MPP1: variants seen among roughly 807,000 people sequenced by gnomAD.
MPP1 encodes the protein MAGUK p55 scaffold protein 1, also known as 55 kDa erythrocyte membrane protein.
Under a neutral mutation model 38.2 loss-of-function variants are expected in MPP1, and 6 were observed. That is an observed-to-expected ratio of 0.16 (90% CI 0.09 to 0.31). The LOEUF (loss-of-function observed/expected upper bound fraction) is 0.31. Ranked by LOEUF, MPP1 falls within the 10% of genes least tolerant of loss-of-function variation. MPP1 has a pLI of 1.00. For synonymous variants in MPP1, 153 were observed against 146.3 expected (o/e 1.05, Z -0.33); for missense variants, 293 against 368.9 (o/e 0.79, Z 1.69).
intron 5 of MPP1, among the ~76,000 whole-genome samples, chrX:154,786,921 A>AC (rs1557267257): frequency 9.3e-6 from 1 of 107,745 alleles, no homozygotes; most frequent in Non-Finnish European, 1.9e-5. Context: ...AAAAAAAAAA[A>AC]AGAAGGCATG....
At chrX:154,788,355 G>C (rs2072103181) in intron 5 of MPP1, among the ~76,000 whole-genome samples, 1 of 111,482 alleles carries the variant, frequency 9.0e-6, no homozygotes, top group African/African-American at 3.3e-5. Flanking sequence ...CCTTGAATTG[G>C]TATCTTACAA....
intron 1 of MPP1, chrX:154,799,646 A>G: frequency 1.1e-6 from 1 of 947,108 alleles, no homozygotes; most frequent in Non-Finnish European, 1.4e-6. Context: ...CCACAGAGCT[A>G]TGGCAGGCCT....
Position 154,781,338 on chromosome X carries a change from G to A in MPP1, c.1150-25C>T, listed in dbSNP as rs782437284. The A allele has an allele frequency of 1.4e-4, 140 of 1,001,494 alleles. 1 individual carries two copies. The Admixed American group carries it at 3.1e-3, about 22-fold the overall frequency. The allele number at this position is 1,001,494 out of a possible 1,213,427, so 82.5% of individuals were successfully genotyped here. ...TCTAGAAAAAAAAAAGAAGGGCGGCGGGGAGGGGGGGGAAGGAAGAAAAGG... is the reference window on the plus strand; with the variant it reads ...TCTAGAAAAAAAAAAGAAGGGCGGCAGGGAGGGGGGGGAAGGAAGAAAAGG... On this transcript the variant is annotated intron_variant, in intron 10 of 11. Coordinates refer to ENST00000369534, the MANE Select transcript of MPP1 (RefSeq NM_002436.4).
chrX:154,781,910 C>T (rs2072011177), intron 9 of MPP1, 108 bp from the exon 10 acceptor site: 1 of 756,564 alleles, frequency 1.3e-6, no homozygotes, highest in Non-Finnish European at 1.9e-6. Context: ...GGTGCATTGA[C>T]TTTAATACAG....
At chrX:154,783,388 C>A in intron 9 of MPP1, 39 bp downstream of exon 9, 1 of 1,019,953 alleles carries the variant, frequency 9.8e-7, no homozygotes, top group Non-Finnish European at 1.4e-6. Flanking sequence ...GTGGTACCAG[C>A]CTGTCACCTC....
chrX:154,781,497 G>T (rs1018655078), intron 10 of MPP1, 103 bp downstream of exon 10: 7 of 953,793 alleles, frequency 7.3e-6, no homozygotes, highest in Non-Finnish European at 8.9e-6. Context: ...CCATTAAAAG[G>T]CTGAAGCAAT....
intron 1 of MPP1, among the ~76,000 whole-genome samples, chrX:154,798,228 CCAAA>C: frequency 8.9e-6 from 1 of 112,000 alleles, no homozygotes; most frequent in East Asian, 2.8e-4. Flanking sequence ...TATTAAAAAA[CCAAA>C]CACACAACTA....
intron 1 of MPP1, among the ~76,000 whole-genome samples, chrX:154,801,922 C>CA (rs781790769): frequency 5.1e-4 from 57 of 110,817 alleles, no homozygotes; most frequent in Admixed American, 1.6e-3. Context: ...TTTCTAGTAT[C>CA]AGTTCTGTGA....
At chrX:154,784,205 A>C in intron 7 of MPP1, 97 bp from the exon 8 acceptor site, 1 of 658,853 alleles carries the variant, frequency 1.5e-6, no homozygotes, top group Non-Finnish European at 2.4e-6. Context: ...ACATCTCAAC[A>C]AGCAGGGAGG....
chrX:154,798,658 GGA>G (rs1432129875), intron 1 of MPP1, among the ~76,000 whole-genome samples: 1 of 112,320 alleles, frequency 8.9e-6, no homozygotes, highest in African/African-American at 3.2e-5. Context: ...AGCGACAGCA[GGA>G]GAGAGGCCTT....
In MPP1 at chrX:154,801,776, A is replaced by AAAC. The variant is rs2072266575; in HGVS notation, c.102+3495_102+3496insGTT. Among the ~76,000 whole-genome samples, 3 of 87,662 alleles carry AAAC rather than the reference A, an allele frequency of 3.4e-5. No individual in the cohort carries two copies. In the East Asian group the frequency reaches 9.9e-4, roughly 29 times the overall value. 76.1% of individuals were successfully genotyped at this position (87,662 alleles called of 115,157 possible). On this transcript the variant is annotated intron_variant, in intron 1 of 11. Transcript: ENST00000369534. ...TCTGTCTCAAAAAAAAAAAAAAAAA[A>AAAC]AAAAAAAAAACAAAAAACAGAAAAA...
chrX:154,791,408 T>C (rs1482959360), intron 3 of MPP1, among the ~76,000 whole-genome samples: 1 of 112,322 alleles, frequency 8.9e-6, no homozygotes, highest in African/African-American at 3.2e-5. Context: ...AAGCTCCATG[T>C]TTCTTTGTTG....
chrX:154,794,190 T>C (rs377226021), intron 1 of MPP1, among the ~76,000 whole-genome samples: 44 of 111,472 alleles, frequency 3.9e-4, no homozygotes, highest in African/African-American at 1.3e-3. Context: ...GTAGAATGGA[T>C]AAACTGAAGC....
Position 154,786,260 on chromosome X carries a change from C to T in MPP1, c.621G>A (p.Val207=). The T allele has an allele frequency of 2.5e-6, 3 of 1,211,801 alleles. No individual in the cohort carries two copies. Among genetic ancestry groups the T allele is most frequent in the East Asian group, 3.0e-5 (1 of 33,852 alleles). Reference sequence around the variant, plus strand: ...CTGCTGACTCCTTGGAGGAGCCTTCCACCCGTCCCTGCCACCAATTGCTGT... The same window carrying T: ...CTGCTGACTCCTTGGAGGAGCCTTCTACCCGTCCCTGCCACCAATTGCTGT... ...KDDSNWWQGR[V]EGSSKESAGL... is the part of the protein sequence containing the mutation. Residue 207 remains valine (V), a synonymous_variant, in exon 6 of 12, where the codon GTG becomes GTA. Transcript: ENST00000369534.
chrX:154,778,980 G>T lies in MPP1; in HGVS notation c.*197C>A. ...TCCTTTTCAAATCCAGATCAGTGGG[G>T]CCCCATCTATCAGGAGAATCAACCC... On this transcript the variant is annotated 3_prime_UTR_variant, in exon 12 of 12. Coordinates refer to ENST00000369534, the MANE Select transcript of MPP1 (RefSeq NM_002436.4). 1 of 421,192 alleles carries T rather than the reference G, an allele frequency of 2.4e-6. No individual in the cohort carries two copies. Among genetic ancestry groups the T allele is most frequent in the Non-Finnish European group, 3.9e-6 (1 of 253,458 alleles). 34.7% of individuals were successfully genotyped at this position (421,192 alleles called of 1,213,427 possible).
chrX:154,805,227 C>A, intron 1 of MPP1, 45 bp downstream of exon 1: 1 of 1,132,733 alleles, frequency 8.8e-7, no homozygotes. Flanking sequence ...AGATGAATGG[C>A]CGAGCCCCGG....
chrX:154,803,203 C>T lies in MPP1; in HGVS notation c.102+2069G>A, dbSNP rs189930467. Among the ~76,000 whole-genome samples the T allele has an allele frequency of 3.0e-4, 34 of 112,278 alleles. 1 individual carries two copies. The highest frequency in any genetic ancestry group is 1.0e-3 in the African/African-American group (32 of 30,908). ...GCTGCAGCAAAGACTGGTAAGAGCC[C>T]CAAAGGGAAGGTGAACCTAAAGAAA... On this transcript the variant is annotated intron_variant, in intron 1 of 11. Transcript: ENST00000369534.
At chrX:154,787,133 CA>C (rs781934395) in intron 5 of MPP1, among the ~76,000 whole-genome samples, 4,141 of 107,723 alleles carry the variant, frequency 0.038, 95 homozygotes, top group Non-Finnish European at 0.06. Flanking sequence ...CACACACACA[CA>C]CACACACACA....
chrX:154,787,860 A>T (rs2072096696), intron 5 of MPP1, among the ~76,000 whole-genome samples: 1 of 112,543 alleles, frequency 8.9e-6, no homozygotes, highest in African/African-American at 3.2e-5. Flanking sequence ...TTTTATCCAA[A>T]CTGATATGTA....
Sources: gnomAD v4.1 joint callset for allele counts (sites outside exome capture counted in the v4.1 genomes callset) on GRCh38, gnomAD v4.1.1 for gene constraint, MANE v1.5 for transcripts, NCBI Gene and HGNC (gene_info 2026-07-23, HGNC 2026-07-21) for gene names.